The following EYS variants were observed in gnomAD, a reference collection of about 807,000 sequenced individuals.
The protein encoded by EYS is protein eyes shut homolog.
Under a neutral mutation model 282.1 loss-of-function variants are expected in EYS, and 250 were observed. The observed-to-expected ratio is 0.89, with a 90% CI of 0.80 to 0.98. EYS has a LOEUF of 0.98. Ranked by LOEUF, EYS falls within the 50% of genes least tolerant of loss-of-function variation. The pLI is 0.00. For missense variants in EYS, 4,016 were observed against 3,709.0 expected, an observed-to-expected ratio of 1.08 and a Z score of -2.15; for synonymous variants, 1,355 against 1,282.9, an observed-to-expected ratio of 1.06 and a Z score of -1.20.
At chr6:63,812,905 G>A (rs1449433235) in intron 36 of EYS, among the ~76,000 whole-genome samples, 2 of 151,936 alleles carry the variant, frequency 1.3e-5, no homozygotes, top group Non-Finnish European at 2.9e-5. Context: ...TTCTAGTGTG[G>A]GTAAAAATTC....
At chr6:65,302,175 T>G (rs1768859825) in intron 11 of EYS, among the ~76,000 whole-genome samples, 1 of 152,206 alleles carries the variant, frequency 6.6e-6, no homozygotes, top group Non-Finnish European at 1.5e-5. Flanking sequence ...ATGGACTTAA[T>G]CTCCCAGTAG....
chr6:63,757,778 A>T (rs552012754), intron 41 of EYS, among the ~76,000 whole-genome samples: 1 of 152,310 alleles, frequency 6.6e-6, no homozygotes, highest in African/African-American at 2.4e-5. Flanking sequence ...ATAAGGGAGG[A>T]TTCCAGAAGG....
At chr6:64,732,809 C>T (rs1374387822) in intron 22 of EYS, among the ~76,000 whole-genome samples, 2 of 152,146 alleles carry the variant, frequency 1.3e-5, no homozygotes, top group Non-Finnish European at 2.9e-5. Context: ...TGATTGTTCT[C>T]GTTTGAAAAC....
chr6:64,767,838 T>C (rs1021120921), intron 22 of EYS, among the ~76,000 whole-genome samples: 4 of 152,146 alleles, frequency 2.6e-5, no homozygotes, highest in African/African-American at 9.7e-5. Context: ...GTTCAAGTCG[T>C]AGTTTTTTGA....
chr6:64,996,051 C>T (rs912788798), intron 14 of EYS, among the ~76,000 whole-genome samples: 1 of 151,894 alleles, frequency 6.6e-6, no homozygotes, highest in Non-Finnish European at 1.5e-5. Flanking sequence ...TAAAATAAAG[C>T]GTAATTACAT....
At chr6:65,537,178 C>T (rs895337407) in intron 2 of EYS, among the ~76,000 whole-genome samples, 4 of 152,174 alleles carry the variant, frequency 2.6e-5, no homozygotes, top group Admixed American at 2.6e-4. Context: ...AGGGGAACAT[C>T]ACACACTGGT....
chr6:65,443,166 G>A (rs1768446734), intron 5 of EYS, among the ~76,000 whole-genome samples: 1 of 143,298 alleles, frequency 7.0e-6, no homozygotes, highest in Non-Finnish European at 1.6e-5. Context: ...ACATATATGA[G>A]CACATATGTG....
intron 14 of EYS, among the ~76,000 whole-genome samples, chr6:64,951,916 G>A (rs1484636871): frequency 6.6e-6 from 1 of 151,878 alleles, no homozygotes; most frequent in Non-Finnish European, 1.5e-5. Flanking sequence ...TTGAAAAATT[G>A]CTGCCTGAGA....
intron 29 of EYS, among the ~76,000 whole-genome samples, chr6:64,363,940 C>T (rs1772108251): frequency 6.6e-6 from 1 of 151,814 alleles, no homozygotes; most frequent in African/African-American, 2.4e-5. Flanking sequence ...ACATTCTTTC[C>T]TCTCCATAAA....
chr6:65,155,052 C>A (rs1764700706), intron 12 of EYS, among the ~76,000 whole-genome samples: 2 of 151,530 alleles, frequency 1.3e-5, no homozygotes, highest in African/African-American at 4.8e-5. Flanking sequence ...AGGCATGCTA[C>A]ATTTCCCAAG....
At chr6:64,563,145 A>G (rs1033662240) in intron 26 of EYS, among the ~76,000 whole-genome samples, 1 of 152,022 alleles carries the variant, frequency 6.6e-6, no homozygotes, top group Non-Finnish European at 1.5e-5. Context: ...TATAATCAAA[A>G]TGACTAATTT....
At chr6:65,578,482 C>A (rs1382392356) in intron 2 of EYS, among the ~76,000 whole-genome samples, 1 of 151,628 alleles carries the variant, frequency 6.6e-6, no homozygotes, top group African/African-American at 2.4e-5. Context: ...GGTCAAAGGA[C>A]ACAAAATTTC....
At chr6:65,176,357 G>A (rs1177892150) in intron 12 of EYS, among the ~76,000 whole-genome samples, 1 of 151,556 alleles carries the variant, frequency 6.6e-6, no homozygotes, top group Non-Finnish European at 1.5e-5. Context: ...AAGTCAGGAA[G>A]GAGCTCTGGT....
At chr6:64,894,228 G>T (rs892411724) in intron 18 of EYS, among the ~76,000 whole-genome samples, 3 of 152,036 alleles carry the variant, frequency 2.0e-5, no homozygotes, top group African/African-American at 7.2e-5. Flanking sequence ...GCATCACCTT[G>T]TTCATATATC....
intron 36 of EYS, among the ~76,000 whole-genome samples, chr6:63,832,887 C>A (rs1331401217): frequency 6.6e-6 from 1 of 152,210 alleles, no homozygotes; most frequent in Non-Finnish European, 1.5e-5. Context: ...TTGACTTCAT[C>A]TCTGGGATGC....
chr6:63,830,716 C>T (rs942958388), intron 36 of EYS, among the ~76,000 whole-genome samples: 6 of 152,148 alleles, frequency 3.9e-5, no homozygotes, highest in Admixed American at 3.9e-4. Flanking sequence ...ATACAGAGAA[C>T]TCCACAAAGA....
chr6:65,676,854 C>A (rs878987411), intron 1 of EYS, among the ~76,000 whole-genome samples: 1 of 151,366 alleles, frequency 6.6e-6, no homozygotes, highest in Admixed American at 6.6e-5. Context: ...AATCATATAC[C>A]ATGACCAAGT....
At chr6:65,509,186 A>AG (rs1308100603) in intron 2 of EYS, among the ~76,000 whole-genome samples, 1 of 152,228 alleles carries the variant, frequency 6.6e-6, no homozygotes, top group East Asian at 1.9e-4. Flanking sequence ...GAAAGGAAGC[A>AG]GAGCCTCTGC....
chr6:65,703,186 T>TCTCCTCTATCTCTCTCTGC (rs1561913063), intron 1 of EYS, among the ~76,000 whole-genome samples: 5 of 151,820 alleles, frequency 3.3e-5, no homozygotes, highest in Non-Finnish European at 7.4e-5. Context: ...TCTCTCTCTG[T>TCTCCTCTATCTCTCTCTGC]CTCTCCTCTA....
Sources: allele counts gnomAD v4.1 joint callset (sites outside exome capture counted in the v4.1 genomes callset), GRCh38; gene constraint gnomAD v4.1.1; transcripts MANE v1.5; gene names NCBI Gene and HGNC (gene_info 2026-07-23, HGNC 2026-07-21).